DSCAML1: variants seen among roughly 807,000 people sequenced by gnomAD.
The protein encoded by DSCAML1 is DS cell adhesion molecule like 1, also known as cell adhesion molecule DSCAML1.
A neutral mutation model predicts 200.5 loss-of-function variants in DSCAML1; 38 were observed. That is an observed-to-expected ratio of 0.19 (90% CI 0.15 to 0.25). The LOEUF (loss-of-function observed/expected upper bound fraction) is 0.25. Ranked by LOEUF, DSCAML1 falls within the 10% of genes least tolerant of loss-of-function variation. The probability of loss-of-function intolerance (pLI) is 1.00; values close to 1 mark genes in which losing one functional copy is unlikely to be tolerated. For missense variants in DSCAML1, 2,223 were observed against 2,858.8 expected, an observed-to-expected ratio of 0.78 and a Z score of 5.07; for synonymous variants, 1,215 against 1,165.0, an observed-to-expected ratio of 1.04 and a Z score of -0.87.
intron 3 of DSCAML1, among the ~76,000 whole-genome samples, chr11:117,661,994 G>A (rs116390081): frequency 0.017 from 2,649 of 152,308 alleles, 75 homozygotes; most frequent in African/African-American, 0.057. Context: ...TCAGCACTAA[G>A]GACCATGAGG....
intron 3 of DSCAML1, among the ~76,000 whole-genome samples, chr11:117,675,351 G>A (rs184507301): frequency 3.3e-5 from 5 of 152,216 alleles, no homozygotes; most frequent in African/African-American, 1.2e-4. Context: ...AGGCTGGAAT[G>A]CTGTGGTGTG....
At chr11:117,776,768 C>T (rs373681866) in intron 3 of DSCAML1, 23 bp downstream of exon 3, 132 of 1,613,730 alleles carry the variant, frequency 8.2e-5, no homozygotes, top group Middle Eastern at 5.0e-4. Flanking sequence ...CTCTGTCTGC[C>T]GCAGCCCCGG....
rs144133058 is a variant in DSCAML1 at position 117,505,485 on chromosome 11, G to A, written c.2031C>T (p.Thr677=). Residue 677 remains threonine, a synonymous_variant, in exon 9 of 33, where the codon ACC becomes ACT. Transcript: ENST00000651296. This position sits in a 1 kb window ranked among gnomAD's most constrained non-coding sequence, Gnocchi z 6.7. ...CGATGAGCTGGCGCTCCCGGCTCAC[G>A]GTGGCGGCTGCGTTGCTGGCGATGC... ...YTCIASNAAA[T]VSRERQLIVR... 45 of 1,612,260 alleles carry A rather than the reference G, an allele frequency of 2.8e-5. No homozygotes were observed. Among genetic ancestry groups the A allele is most frequent in the East Asian group, 1.6e-4 (7 of 44,876 alleles).
intron 4 of DSCAML1, among the ~76,000 whole-genome samples, chr11:117,530,625 G>C (rs995384832): frequency 6.6e-6 from 1 of 152,120 alleles, no homozygotes; most frequent in African/African-American, 2.4e-5. Flanking sequence ...GGGGTGAATC[G>C]GGAGCCGGGT....
intron 1 of DSCAML1, among the ~76,000 whole-genome samples, chr11:117,784,287 T>C (rs1015351345): frequency 2.0e-5 from 3 of 152,130 alleles, no homozygotes; most frequent in Non-Finnish European, 4.4e-5. Flanking sequence ...TGCACTTACA[T>C]TGGGTTCATA....
Position 117,665,090 on chromosome 11 carries a change from C to G in DSCAML1, c.511+111701G>C, listed in dbSNP as rs572341350. The stretch of plus-strand genomic sequence containing the variant: ...TATTTCCTGCCGAAGTCTGTGCTGA[C>G]AACTCCTGCCCTTATGACCCTCCCT... On this transcript the variant is annotated intron_variant, in intron 3 of 32. Coordinates refer to ENST00000651296, the MANE Select transcript of DSCAML1 (RefSeq NM_020693.4). 8.5e-5 allele frequency among the ~76,000 whole-genome samples: 13 copies of G among 152,348 alleles called. No homozygotes were observed. In the South Asian group the frequency reaches 2.7e-3, roughly 32 times the overall value.
At chr11:117,528,940 C>A (rs574294990) in intron 4 of DSCAML1, among the ~76,000 whole-genome samples, 10 of 151,474 alleles carry the variant, frequency 6.6e-5, no homozygotes, top group East Asian at 1.9e-4. Context: ...CCGCCCCCCC[C>A]CTTGGGAATG....
rs752134933 is a variant in DSCAML1, at chr11:117,588,973, G to A, written c.512-56451C>T. Among the ~76,000 whole-genome samples the A allele has an allele frequency of 9.2e-5, 14 of 152,112 alleles. No homozygotes were observed. The East Asian group carries it at 1.9e-3, about 21-fold the overall frequency. On this transcript the variant is annotated intron_variant, in intron 3 of 32. Transcript: ENST00000651296. ...TGCAGAGGGGAAAATGAGCCTCATC[G>A]ACCCAAATAAAATAAGGACACACAG...
chr11:117,431,852 C>A, intron 30 of DSCAML1, 124 bp from the exon 31 acceptor site: 1 of 885,892 alleles, frequency 1.1e-6, no homozygotes, highest in Middle Eastern at 3.2e-4. Flanking sequence ...CAGAAGCGCC[C>A]TTGGGAATGC....
At chr11:117,738,238 C>A (rs150699436) in intron 3 of DSCAML1, among the ~76,000 whole-genome samples, 1 of 152,268 alleles carries the variant, frequency 6.6e-6, no homozygotes, top group African/African-American at 2.4e-5. Context: ...TCACCTTCTG[C>A]CAGCACTCCA....
chr11:117,767,008 T>C (rs1343294966), intron 3 of DSCAML1, among the ~76,000 whole-genome samples: 3 of 152,086 alleles, frequency 2.0e-5, no homozygotes, highest in African/African-American at 7.2e-5. Flanking sequence ...CTTGAGCAGG[T>C]CCCTCAGTGC....
intron 1 of DSCAML1, among the ~76,000 whole-genome samples, chr11:117,783,779 C>T (rs1366245366): frequency 6.6e-6 from 1 of 152,104 alleles, no homozygotes; most frequent in African/African-American, 2.4e-5. Context: ...CAAATAAAAC[C>T]ACAGAATATG....
intron 3 of DSCAML1, among the ~76,000 whole-genome samples, chr11:117,671,037 C>G (rs1565864923): frequency 6.6e-6 from 1 of 152,162 alleles, no homozygotes; most frequent in Non-Finnish European, 1.5e-5. Context: ...AACCAAGAGG[C>G]CAATTCCCTC....
chr11:117,739,573 C>T (rs2054384102), intron 3 of DSCAML1, among the ~76,000 whole-genome samples: 1 of 152,218 alleles, frequency 6.6e-6, no homozygotes. Flanking sequence ...ACAGCGTGAG[C>T]CACGCAGTGC....
chr11:117,438,801 T>C lies in DSCAML1; in HGVS notation c.4243+84A>G, dbSNP rs902533326. 6 of 1,221,572 alleles carry C rather than the reference T, an allele frequency of 4.9e-6. No homozygotes were observed. The African/African-American group carries it at 8.0e-5, about 16-fold the overall frequency. The allele number at this position is 1,221,572 out of a possible 1,614,324, so 75.7% of individuals were successfully genotyped here. A position where few individuals can be genotyped will look rare whatever the true frequency, so the allele number is the denominator to read the frequency against. Reference sequence around the variant, plus strand: ...ATCGTTTCTGTCATTTGGAGACAAATGGCAGAAGTGGGTGAAGCCCCTTCC... The same window carrying C: ...ATCGTTTCTGTCATTTGGAGACAAACGGCAGAAGTGGGTGAAGCCCCTTCC... On this transcript the variant is annotated intron_variant, in intron 24 of 32. Transcript: ENST00000651296.
intron 29 of DSCAML1, 107 bp downstream of exon 29, chr11:117,433,031 G>A: frequency 3.1e-6 from 3 of 963,228 alleles, no homozygotes; most frequent in South Asian, 2.8e-5. Flanking sequence ...TGGGGCTACT[G>A]CCAGAACCCT....
intron 19 of DSCAML1, among the ~76,000 whole-genome samples, chr11:117,458,533 G>T (rs1300120400): frequency 6.6e-6 from 1 of 152,110 alleles, no homozygotes; most frequent in Admixed American, 6.5e-5. Context: ...AGGTGTGTAT[G>T]TAGGGGGTGC....
chr11:117,561,933 T>C (rs538566114), intron 3 of DSCAML1, among the ~76,000 whole-genome samples: 1 of 152,290 alleles, frequency 6.6e-6, no homozygotes, highest in South Asian at 2.1e-4. Context: ...CTGGTAGATG[T>C]GGCATGAATA....
At chr11:117,743,126 T>A (rs1190027067) in intron 3 of DSCAML1, among the ~76,000 whole-genome samples, 1 of 152,166 alleles carries the variant, frequency 6.6e-6, no homozygotes, top group African/African-American at 2.4e-5. Flanking sequence ...AAATAAGACA[T>A]GCTTTCTTGC....
Sources: gnomAD v4.1 joint callset for allele counts (sites outside exome capture counted in the v4.1 genomes callset) on GRCh38, gnomAD v4.1.1 for gene constraint, Gnocchi (gnomAD v3.1) non-coding constraint, MANE v1.5 for transcripts, NCBI Gene and HGNC (gene_info 2026-07-23, HGNC 2026-07-21) for gene names.